PCDH7: variants seen among roughly 807,000 people sequenced by gnomAD.
The protein encoded by PCDH7 is protocadherin 7.
PCDH7 carries 17 observed loss-of-function variants against 58.9 expected under a neutral mutation model. The ratio of observed to expected loss-of-function variants is 0.29; its 90% CI spans 0.20 to 0.43. The LOEUF (loss-of-function observed/expected upper bound fraction) is 0.43, where lower values mean the gene tolerates loss of function less well. PCDH7 is among the 20% of genes least tolerant of loss of function. PCDH7 has a pLI of 1.00. For synonymous variants in PCDH7, 664 were observed against 616.4 expected, an observed-to-expected ratio of 1.08 and a Z score of -1.14; for missense variants, 1,274 against 1,441.0, an observed-to-expected ratio of 0.88 and a Z score of 1.88.
chr4:30,789,530 A>T (rs1723838167), intron 1 of PCDH7, among the ~76,000 whole-genome samples: 1 of 152,214 alleles, frequency 6.6e-6, no homozygotes, highest in Admixed American at 6.5e-5. Flanking sequence ...CTTTTATTTT[A>T]GTTTCCTGCT....
chr4:30,910,394 G>A (rs1741571130), intron 1 of PCDH7, among the ~76,000 whole-genome samples: 1 of 152,036 alleles, frequency 6.6e-6, no homozygotes, highest in Non-Finnish European at 1.5e-5. Context: ...CTACAGAATG[G>A]GAGAAAATTT....
At chr4:30,843,600 G>C (rs533538295) in intron 1 of PCDH7, among the ~76,000 whole-genome samples, 1 of 152,226 alleles carries the variant, frequency 6.6e-6, no homozygotes, top group African/African-American at 2.4e-5. Flanking sequence ...TACTTTGTCA[G>C]TGTGTTTGCT....
chr4:30,886,725 A>G (rs1369056217), intron 1 of PCDH7, among the ~76,000 whole-genome samples: 1 of 151,812 alleles, frequency 6.6e-6, no homozygotes, highest in Non-Finnish European at 1.5e-5. Flanking sequence ...AACCAACTCA[A>G]ACGTCCAACA....
chr4:30,874,951 A>T (rs1736108727), intron 1 of PCDH7, among the ~76,000 whole-genome samples: 1 of 152,012 alleles, frequency 6.6e-6, no homozygotes, highest in South Asian at 2.1e-4. Context: ...GCTAACTCTC[A>T]GACTTGGTGT....
At chr4:30,735,760 T>C (rs1716159784), downstream of PCDH7, among the ~76,000 whole-genome samples, 4 of 152,142 alleles carry the variant, frequency 2.6e-5, no homozygotes, top group African/African-American at 9.7e-5. Context: ...CGAAGGATGT[T>C]CAAGCCTGAC....
intron 1 of PCDH7, among the ~76,000 whole-genome samples, chr4:30,871,234 C>T (rs1735537175): frequency 6.6e-6 from 1 of 152,048 alleles, no homozygotes; most frequent in Admixed American, 6.6e-5. Flanking sequence ...ATTCCAAGGA[C>T]TTACCCCCAG....
At chr4:30,809,986 A>G (rs2109312705) in intron 1 of PCDH7, among the ~76,000 whole-genome samples, 1 of 152,262 alleles carries the variant, frequency 6.6e-6, no homozygotes, top group African/African-American at 2.4e-5. Context: ...ATGTGCAGCT[A>G]ACTCAGTGTG....
At chr4:30,880,353 G>T in intron 1 of PCDH7, among the ~76,000 whole-genome samples, 1 of 151,214 alleles carries the variant, frequency 6.6e-6, no homozygotes, top group Non-Finnish European at 1.5e-5. Context: ...CTTATATAAA[G>T]AGCTTAATTA....
chr4:31,077,982 A>G (rs190043089), intron 3 of PCDH7, among the ~76,000 whole-genome samples: 2 of 152,286 alleles, frequency 1.3e-5, no homozygotes, highest in East Asian at 3.9e-4. Flanking sequence ...TAAAGGAAAC[A>G]GGAATATTTT....
chr4:30,775,645 C>G (rs182215282), intron 1 of PCDH7, among the ~76,000 whole-genome samples: 7 of 152,068 alleles, frequency 4.6e-5, no homozygotes, highest in Admixed American at 3.3e-4. Flanking sequence ...TGGTGGCTTA[C>G]GCTTGTAATC....
intron 3 of PCDH7, among the ~76,000 whole-genome samples, chr4:31,024,043 G>A (rs994186110): frequency 2.6e-5 from 4 of 152,324 alleles, no homozygotes; most frequent in Middle Eastern, 3.4e-3. Flanking sequence ...TTTTCAGTAA[G>A]AAGAGCATTA....
chr4:30,819,937 T>C (rs1376112622), intron 1 of PCDH7, among the ~76,000 whole-genome samples: 1 of 152,142 alleles, frequency 6.6e-6, no homozygotes, highest in Admixed American at 6.6e-5. Context: ...ATAGGAAACA[T>C]GTCCTGCCTT....
chr4:31,123,295 C>T (rs1311075293), intron 3 of PCDH7, among the ~76,000 whole-genome samples: 6 of 151,936 alleles, frequency 3.9e-5, no homozygotes, highest in South Asian at 2.1e-4. Context: ...AATCAATATT[C>T]GATACTTAAG....
At chr4:31,039,509 T>C (rs950931320) in intron 3 of PCDH7, among the ~76,000 whole-genome samples, 5 of 152,030 alleles carry the variant, frequency 3.3e-5, no homozygotes, top group Non-Finnish European at 5.9e-5. Context: ...CGATCCTCCT[T>C]CCTCAGCCTC....
At chr4:31,106,883 T>G (rs1715641400) in intron 3 of PCDH7, among the ~76,000 whole-genome samples, 1 of 152,214 alleles carries the variant, frequency 6.6e-6, no homozygotes, top group Non-Finnish European at 1.5e-5. Context: ...GTCTGTAGAT[T>G]TTGATGTTTA....
chr4:31,007,317 A>C (rs781345760), intron 3 of PCDH7, among the ~76,000 whole-genome samples: 3 of 152,228 alleles, frequency 2.0e-5, no homozygotes, highest in Non-Finnish European at 4.4e-5. Flanking sequence ...TATGCAATAC[A>C]TACTGTAATC....
chr4:31,109,704 T>C (rs893391489), intron 3 of PCDH7, among the ~76,000 whole-genome samples: 3 of 152,240 alleles, frequency 2.0e-5, no homozygotes, highest in Non-Finnish European at 4.4e-5. Flanking sequence ...AATATTCCTT[T>C]AGTTGAAACT....
At chr4:30,926,505 A>G (rs1743892963) in intron 2 of PCDH7, among the ~76,000 whole-genome samples, 1 of 152,190 alleles carries the variant, frequency 6.6e-6, no homozygotes, top group South Asian at 2.1e-4. Context: ...AATTTGATAT[A>G]ATACAATGGC....
chr4:30,896,426 TAATCC>T (rs1228783030), intron 1 of PCDH7, among the ~76,000 whole-genome samples: 1 of 152,192 alleles, frequency 6.6e-6, no homozygotes, highest in Non-Finnish European at 1.5e-5. Flanking sequence ...CCTTGGGCTC[TAATCC>T]ACCATGAATG....
Sources: gnomAD v4.1 joint callset for allele counts (sites outside exome capture counted in the v4.1 genomes callset) on GRCh38, gnomAD v4.1.1 for gene constraint, MANE v1.5 for transcripts, NCBI Gene and HGNC (gene_info 2026-07-23, HGNC 2026-07-21) for gene names.